Variants in ARHGEF10L observed in about 807,000 individuals in gnomAD.
ARHGEF10L encodes rho guanine nucleotide exchange factor 10-like protein.
A neutral mutation model predicts 141.2 loss-of-function variants in ARHGEF10L; 69 were observed. That is an observed-to-expected ratio of 0.49 (90% confidence interval 0.40 to 0.60). The LOEUF (loss-of-function observed/expected upper bound fraction) is 0.60, where lower values mean the gene tolerates loss of function less well. ARHGEF10L is among the 20% of genes least tolerant of loss of function. The pLI is 0.00. For missense variants in ARHGEF10L, 1,482 were observed against 1,734.3 expected (o/e 0.85, Z 2.58); for synonymous variants, 711 against 718.5 (o/e 0.99, Z 0.17).
chr1:17,527,585 C>G, the ARHGEF10L span, among the ~76,000 whole-genome samples: 1 of 152,124 alleles, frequency 6.6e-6, no homozygotes, highest in Non-Finnish European at 1.5e-5. Flanking sequence ...GGTTAAATTC[C>G]CTGGTGGCTT....
intron 1 of ARHGEF10L, among the ~76,000 whole-genome samples, chr1:17,557,994 C>T (rs749205312): frequency 2.0e-5 from 3 of 152,150 alleles, no homozygotes; most frequent in Non-Finnish European, 2.9e-5. Flanking sequence ...TGTCATCCAT[C>T]GACTCTTCCT....
chr1:17,697,674 G>T lies in ARHGEF10L; in HGVS notation c.*294G>T, dbSNP rs1483036154. 3 of 568,908 alleles carry T rather than the reference G, an allele frequency of 5.3e-6. No individual in the cohort carries two copies. The highest frequency in any genetic ancestry group is 1.0e-5 in the Non-Finnish European group (3 of 300,362). The allele number at this position is 568,908 out of a possible 1,614,324, so 35.2% of individuals were successfully genotyped here. A position where few individuals can be genotyped will look rare whatever the true frequency, so the allele number is the denominator to read the frequency against. On this transcript the variant is annotated 3_prime_UTR_variant, in exon 29 of 29. Transcript: ENST00000361221. The surrounding 1 kb of genome is among the most constrained non-coding windows in gnomAD (Gnocchi z 4.8). ...GGCAAGCCCAGTATCACTTGTTTGG[G>T]CCCTAGCGGGACTCCAAGGCAGCCA...
chr1:17,526,001 CAAAAAAA>C, the ARHGEF10L span, among the ~76,000 whole-genome samples: 1 of 60,292 alleles, frequency 1.7e-5, no homozygotes, highest in African/African-American at 6.3e-5. Context: ...GACTCTGTCT[CAAAAAAA>C]AAAAAAAAAA....
At chr1:17,680,027 G>A (rs1437952265) in intron 26 of ARHGEF10L, among the ~76,000 whole-genome samples, 1 of 152,220 alleles carries the variant, frequency 6.6e-6, no homozygotes, top group Non-Finnish European at 1.5e-5. Context: ...TCGGAGGACA[G>A]CATGTGAGCT....
In ARHGEF10L at chr1:17,603,579, G is replaced by A; in HGVS notation, c.421G>A (p.Ala141Thr). ...YDDVPCESPD[A>T]HQPGAERNLL... The stretch of plus-strand genomic sequence containing the variant: ...CGACGTCCCCTGCGAGAGCCCAGAT[G>A]CGCATCAGCCCGGTATGATGTCTGC... Residue 141 changes from alanine (A) to threonine (T), a missense_variant, in exon 6 of 29, where the codon GCG (alanine) becomes ACG (threonine). Physicochemically the swap from Ala to Thr is moderately conservative, Grantham distance 58. Coordinates refer to ENST00000361221, the MANE Select transcript of ARHGEF10L (RefSeq NM_018125.4). This position sits in a 1 kb window ranked among gnomAD's most constrained non-coding sequence, Gnocchi z 4.8. 1 of 1,613,154 alleles carries A rather than the reference G, an allele frequency of 6.2e-7. No homozygotes were observed. Among genetic ancestry groups the A allele is most frequent in the Non-Finnish European group, 8.5e-7 (1 of 1,179,586 alleles).
intron 27 of ARHGEF10L, chr1:17,689,702 T>A (rs2064948903): frequency 2.2e-6 from 1 of 447,768 alleles, no homozygotes; most frequent in African/African-American, 2.0e-5. Context: ...AAAATGTCTC[T>A]GTATCACAAA....
chr1:17,624,157 C>G (rs906942669), intron 12 of ARHGEF10L, among the ~76,000 whole-genome samples: 1 of 152,206 alleles, frequency 6.6e-6, no homozygotes, highest in African/African-American at 2.4e-5. Flanking sequence ...TGGCACCACC[C>G]CATCCCACCT....
At chr1:17,536,559 G>T (rs1359038437), upstream of ARHGEF10L, among the ~76,000 whole-genome samples, 2 of 152,222 alleles carry the variant, frequency 1.3e-5, no homozygotes, top group African/African-American at 4.8e-5. Context: ...AATACGTGAA[G>T]ATGTGGCCTG....
chr1:17,678,384 C>T (rs867075587), intron 26 of ARHGEF10L, among the ~76,000 whole-genome samples: 6 of 151,388 alleles, frequency 4.0e-5, no homozygotes, highest in African/African-American at 1.5e-4. Flanking sequence ...TCCACTTCCT[C>T]CAGAATAGCC....
intron 4 of ARHGEF10L, among the ~76,000 whole-genome samples, chr1:17,591,408 ATTTTT>A (rs35249582): frequency 8.3e-6 from 1 of 121,202 alleles, no homozygotes; most frequent in Non-Finnish European, 1.7e-5. Context: ...ATGCCTGGCT[ATTTTT>A]TTTTTTTTTT....
chr1:17,634,409 C>T (rs1335945852), intron 16 of ARHGEF10L, 139 bp from the exon 17 acceptor site: 2 of 1,435,078 alleles, frequency 1.4e-6, no homozygotes, highest in Non-Finnish European at 2.0e-6. Context: ...CTCTGATGCC[C>T]TCATTCCCCG....
At position 17,644,836 on chromosome 1, in the gene ARHGEF10L, C is replaced by T. The variant is rs75271780; in HGVS notation, c.2273-3718C>T. Reference sequence around the variant, plus strand: ...CAGTGACCACCATGGCTGCTATTTCCGGAGTGCCTGGTGTCTGCTGGTCAT... The same window carrying T: ...CAGTGACCACCATGGCTGCTATTTCTGGAGTGCCTGGTGTCTGCTGGTCAT... On this transcript the variant is annotated intron_variant, in intron 21 of 28. Transcript: ENST00000361221. The surrounding 1 kb of genome is among the most constrained non-coding windows in gnomAD (Gnocchi z 4.5). 0.014 allele frequency among the ~76,000 whole-genome samples: 2,072 copies of T among 152,218 alleles called. 57 individuals are homozygous for T. Among genetic ancestry groups the T allele is most frequent in the African/African-American group, 0.047 (1,962 of 41,526 alleles).
At chr1:17,681,827 C>T (rs1418432026) in intron 26 of ARHGEF10L, among the ~76,000 whole-genome samples, 2 of 152,162 alleles carry the variant, frequency 1.3e-5, no homozygotes, top group African/African-American at 4.8e-5. Flanking sequence ...CACAAACTTT[C>T]CCCCTGGGGC....
At chr1:17,554,488 T>G (rs1285591135) in intron 1 of ARHGEF10L, among the ~76,000 whole-genome samples, 1 of 151,422 alleles carries the variant, frequency 6.6e-6, no homozygotes, top group African/African-American at 2.4e-5. Context: ...GGACTTACCC[T>G]AGGTCACACA....
chr1:17,652,367 G>A (rs892846121), intron 22 of ARHGEF10L, among the ~76,000 whole-genome samples: 2 of 152,200 alleles, frequency 1.3e-5, no homozygotes, highest in South Asian at 2.1e-4. Flanking sequence ...GGGGCCACCT[G>A]CCTTGGATTG....
intron 4 of ARHGEF10L, among the ~76,000 whole-genome samples, chr1:17,600,008 G>A (rs1001323398): frequency 5.9e-5 from 9 of 152,200 alleles, no homozygotes; most frequent in East Asian, 1.9e-4. Flanking sequence ...CACCACCACC[G>A]CTCTGCTTAT....
At chr1:17,559,654 T>C (rs2077471325) in intron 1 of ARHGEF10L, among the ~76,000 whole-genome samples, 1 of 152,188 alleles carries the variant, frequency 6.6e-6, no homozygotes, top group Non-Finnish European at 1.5e-5. Context: ...CTGTGGGGTC[T>C]GTAGGGCCAC....
chr1:17,542,097 C>T (rs1461390544), intron 1 of ARHGEF10L, among the ~76,000 whole-genome samples: 1 of 151,858 alleles, frequency 6.6e-6, no homozygotes, highest in Non-Finnish European at 1.5e-5. Flanking sequence ...CAAGATTGTG[C>T]CACTGCACTC....
the ARHGEF10L span, among the ~76,000 whole-genome samples, chr1:17,521,148 G>A: frequency 2.0e-5 from 3 of 152,174 alleles, no homozygotes; most frequent in Non-Finnish European, 4.4e-5. Flanking sequence ...TGGCTGTTTA[G>A]CCACAGCTTG....
Sources: gnomAD v4.1 joint callset for allele counts (sites outside exome capture counted in the v4.1 genomes callset) on GRCh38, gnomAD v4.1.1 for gene constraint, Gnocchi (gnomAD v3.1) non-coding constraint, MANE v1.5 for transcripts, NCBI Gene and HGNC (gene_info 2026-07-23, HGNC 2026-07-21) for gene names.